Variants in PCDHGA12 observed in about 807,000 individuals in gnomAD.
PCDHGA12 encodes protocadherin gamma subfamily A, 12.
Under a neutral mutation model 61.1 loss-of-function variants are expected in PCDHGA12, and 43 were observed. The ratio of observed to expected loss-of-function variants is 0.70; its 90% CI spans 0.55 to 0.91. The LOEUF is 0.91. PCDHGA12 is among the 40% of genes least tolerant of loss of function. The probability of loss-of-function intolerance (pLI) is 0.00; values close to 1 mark genes in which losing one functional copy is unlikely to be tolerated. For synonymous variants in PCDHGA12, 520 were observed against 542.9 expected, an observed-to-expected ratio of 0.96 and a Z score of 0.59; for missense variants, 1,236 against 1,227.7, an observed-to-expected ratio of 1.01 and a Z score of -0.10.
chr5:141,466,766 T>G (rs1309395984), intron 1 of PCDHGA12, among the ~76,000 whole-genome samples: 2 of 152,194 alleles, frequency 1.3e-5, no homozygotes, highest in Non-Finnish European at 2.9e-5. Context: ...TTTCAAACTG[T>G]TATCTTATTC....
Position 141,477,060 on chromosome 5 carries a change from C to G in PCDHGA12, c.2425-17747C>G. On this transcript the variant is annotated intron_variant, in intron 1 of 3. Coordinates refer to ENST00000252085, the MANE Select transcript of PCDHGA12 (RefSeq NM_003735.3). The surrounding 1 kb of genome is among the most constrained non-coding windows in gnomAD (Gnocchi z 4.9). ...AAGGGTCGGCTGGACTTCGAGGACA[C>G]CAAACTCCATGAGATTTACATCCAG... The G allele has an allele frequency of 1.2e-6, 2 of 1,614,256 alleles. No individual in the cohort carries two copies. The highest frequency in any genetic ancestry group is 2.2e-5 in the South Asian group (2 of 91,086).
rs1236074950 is a variant in PCDHGA12 at position 141,489,119 on chromosome 5, C to G, written c.2425-5688C>G. On this transcript the variant is annotated intron_variant, in intron 1 of 3. Transcript: ENST00000252085. This position sits in a 1 kb window ranked among gnomAD's most constrained non-coding sequence, Gnocchi z 4.5. ...GAACTGCTGCAAGCAGGCAAACCTC[C>G]GAGCAGTTTTTAAGAGGCTGGAAGG... The G allele has an allele frequency of 1.5e-6, 1 of 650,358 alleles. No individual in the cohort carries two copies. Among genetic ancestry groups the G allele is most frequent in the Non-Finnish European group, 2.5e-6 (1 of 400,690 alleles). The allele number at this position is 650,358 out of a possible 1,614,324, so 40.3% of individuals were successfully genotyped here. A position where few individuals can be genotyped will look rare whatever the true frequency, so the allele number is the denominator to read the frequency against.
intron 2 of PCDHGA12, 141 bp downstream of exon 2, chr5:141,495,006 G>C (rs1030195663): frequency 2.0e-6 from 3 of 1,521,446 alleles, no homozygotes; most frequent in Non-Finnish European, 8.8e-7. Flanking sequence ...CTTGGTGTGC[G>C]GGGGGCTGGC....
chr5:141,494,962 T>G (rs1644946600), intron 2 of PCDHGA12, 97 bp downstream of exon 2: 4 of 1,596,756 alleles, frequency 2.5e-6, no homozygotes, highest in Non-Finnish European at 3.4e-6. Context: ...TTGCTACAGA[T>G]GGCTTCTCCC....
chr5:141,476,783 G>C lies in PCDHGA12; in HGVS notation c.2425-18024G>C. ...GACGGCGTTGGACGGAGGGACCCCAGCTCTCTCCGCCAGCCTGCCTATTCA... is the reference window on the plus strand; with the variant it reads ...GACGGCGTTGGACGGAGGGACCCCACCTCTCTCCGCCAGCCTGCCTATTCA... On this transcript the variant is annotated intron_variant, in intron 1 of 3. Coordinates refer to ENST00000252085, the MANE Select transcript of PCDHGA12 (RefSeq NM_003735.3). This position sits in a 1 kb window ranked among gnomAD's most constrained non-coding sequence, Gnocchi z 7.6. The C allele has an allele frequency of 6.2e-7, 1 of 1,613,510 alleles. No homozygotes were observed. The highest frequency in any genetic ancestry group is 8.5e-7 in the Non-Finnish European group (1 of 1,180,030).
Position 141,430,951 on chromosome 5 carries a change from C to A in PCDHGA12, c.192C>A (p.Val64=). 3 of 1,610,496 alleles carry A rather than the reference C, an allele frequency of 1.9e-6. No homozygotes were observed. Among genetic ancestry groups the A allele is most frequent in the Non-Finnish European group, 2.5e-6 (3 of 1,178,572 alleles). ...CCCGGGAGCTCGCGGAGCGCGGAGTCCGCATCATCCCCAGAGGTAGGACGC... is the reference window on the plus strand; with the variant it reads ...CCCGGGAGCTCGCGGAGCGCGGAGTACGCATCATCCCCAGAGGTAGGACGC... ...LEPRELAERG[V]RIIPRGRTQL... is the part of the protein sequence containing the mutation. The change falls in exon 1 of 4, where the codon GTC becomes GTA. Residue 64 remains valine, a synonymous_variant. Transcript: ENST00000252085.
rs1486791355 is a variant in PCDHGA12 at position 141,476,804 on chromosome 5, A to G, written c.2425-18003A>G. Reference sequence around the variant, plus strand: ...CCCAGCTCTCTCCGCCAGCCTGCCTATTCACATCAAGGTGCTGGACGCGAA... The same window carrying G: ...CCCAGCTCTCTCCGCCAGCCTGCCTGTTCACATCAAGGTGCTGGACGCGAA... On this transcript the variant is annotated intron_variant, in intron 1 of 3. Coordinates refer to ENST00000252085, the MANE Select transcript of PCDHGA12 (RefSeq NM_003735.3). The surrounding 1 kb of genome is among the most constrained non-coding windows in gnomAD (Gnocchi z 7.6). 5 of 1,613,476 alleles carry G rather than the reference A, an allele frequency of 3.1e-6. No individual in the cohort carries two copies. Among genetic ancestry groups the G allele is most frequent in the South Asian group, 2.2e-5 (2 of 91,080 alleles).
chr5:141,478,202 C>T, intron 1 of PCDHGA12: 1 of 1,614,074 alleles, frequency 6.2e-7, no homozygotes, highest in Non-Finnish European at 8.5e-7. Flanking sequence ...TTATCTACTT[C>T]TTTCTCTAAT....
intron 3 of PCDHGA12, among the ~76,000 whole-genome samples, chr5:141,507,893 G>C (rs750472786): frequency 2.2e-4 from 33 of 152,356 alleles, no homozygotes; most frequent in Non-Finnish European, 4.1e-4. Context: ...AGAGGTTCCT[G>C]AAGTCCAGCC....
chr5:141,448,806 G>A (rs1412164815), intron 1 of PCDHGA12, among the ~76,000 whole-genome samples: 1 of 152,008 alleles, frequency 6.6e-6, no homozygotes, highest in Admixed American at 6.5e-5. Context: ...TTAGCCAGGC[G>A]TGATGGCGGG....
At chr5:141,462,651 CA>C (rs60282352) in intron 1 of PCDHGA12, among the ~76,000 whole-genome samples, 42,411 of 152,004 alleles carry the variant, frequency 0.28, 6,634 homozygotes, top group African/African-American at 0.43. Flanking sequence ...TTTCCATCCT[CA>C]ATTATCTTCA....
At chr5:141,467,008 AT>A (rs1165146249) in intron 1 of PCDHGA12, among the ~76,000 whole-genome samples, 2 of 150,270 alleles carry the variant, frequency 1.3e-5, no homozygotes, top group Non-Finnish European at 3.0e-5. Context: ...TTGCAATGCA[AT>A]TTTTTTCCCT....
intron 1 of PCDHGA12, among the ~76,000 whole-genome samples, chr5:141,484,723 G>T (rs930331672): frequency 1.3e-5 from 2 of 151,930 alleles, no homozygotes; most frequent in Non-Finnish European, 2.9e-5. Flanking sequence ...AAGGGGCGGG[G>T]TCAGTCGGTG....
chr5:141,431,709 T>C lies in PCDHGA12; in HGVS notation c.950T>C (p.Met317Thr). Residue 317 changes from methionine (M) to threonine (T), a missense_variant, in exon 1 of 4, where the codon ATG becomes ACG. Met to Thr is a moderately conservative substitution (Grantham distance 81). Coordinates refer to ENST00000252085, the MANE Select transcript of PCDHGA12 (RefSeq NM_003735.3). This position sits in a 1 kb window ranked among gnomAD's most constrained non-coding sequence, Gnocchi z 4.8. ...CACGAGGAGTCAGGATTCTACCAGA[T>C]GGAAGTGCAAGCAATGGATAATGCA... Reference protein sequence around the residue: ...LDHEESGFYQMEVQAMDNAGY... With the variant: ...LDHEESGFYQTEVQAMDNAGY... The C allele has an allele frequency of 6.2e-7, 1 of 1,614,168 alleles. No individual in the cohort carries two copies. Among genetic ancestry groups the C allele is most frequent in the Non-Finnish European group, 8.5e-7 (1 of 1,180,018 alleles).
chr5:141,490,396 A>G lies in PCDHGA12; in HGVS notation c.2425-4411A>G. ...GGACTCAGGTAGAAATGGTGAAGTGAGCCTTGATATCTCTCCGGACCTGCC... is the reference window on the plus strand; with the variant it reads ...GGACTCAGGTAGAAATGGTGAAGTGGGCCTTGATATCTCTCCGGACCTGCC... On this transcript the variant is annotated intron_variant, in intron 1 of 3. Coordinates refer to ENST00000252085, the MANE Select transcript of PCDHGA12 (RefSeq NM_003735.3). The surrounding 1 kb of genome is among the most constrained non-coding windows in gnomAD (Gnocchi z 5.4). 1 of 1,614,146 alleles carries G rather than the reference A, an allele frequency of 6.2e-7. No homozygotes were observed. The highest frequency in any genetic ancestry group is 8.5e-7 in the Non-Finnish European group (1 of 1,180,030).
chr5:141,460,582 G>A (rs1246329967), intron 1 of PCDHGA12, among the ~76,000 whole-genome samples: 2 of 152,022 alleles, frequency 1.3e-5, no homozygotes, highest in South Asian at 4.1e-4. Context: ...GTAGGTGTGG[G>A]TTTTTTCTGG....
At position 141,491,561 on chromosome 5, in the gene PCDHGA12, A is replaced by C. The variant is rs1289732955; in HGVS notation, c.2425-3246A>C. The C allele has an allele frequency of 1.2e-6, 2 of 1,613,938 alleles. No homozygotes were observed. Among genetic ancestry groups the C allele is most frequent in the Admixed American group, 3.3e-5 (2 of 60,016 alleles). On this transcript the variant is annotated intron_variant, in intron 1 of 3. Transcript: ENST00000252085. This position sits in a 1 kb window ranked among gnomAD's most constrained non-coding sequence, Gnocchi z 6.9. ...CCCACAGACTCGCAGAGCCACTGCT[A>C]CAGGACGTGCTTTTCACCGGCCTCG...
intron 1 of PCDHGA12, among the ~76,000 whole-genome samples, chr5:141,492,762 T>C (rs917580804): frequency 2.6e-5 from 4 of 152,206 alleles, no homozygotes; most frequent in African/African-American, 9.6e-5. Flanking sequence ...GGGCTCCGCG[T>C]TGGGCGAGTG....
chr5:141,484,883 G>GCC (rs1231530221), intron 1 of PCDHGA12: 2 of 352,506 alleles, frequency 5.7e-6, no homozygotes, highest in Admixed American at 9.0e-5. Flanking sequence ...GATAGGGTGG[G>GCC]CTTTTTCCCC....
Sources: gnomAD v4.1 joint callset for allele counts (sites outside exome capture counted in the v4.1 genomes callset) on GRCh38, gnomAD v4.1.1 for gene constraint, Gnocchi (gnomAD v3.1) non-coding constraint, MANE v1.5 for transcripts, NCBI Gene and HGNC (gene_info 2026-07-23, HGNC 2026-07-21) for gene names.